The following TOX3 variants were observed in gnomAD, a reference collection of about 807,000 sequenced individuals.
TOX3 encodes CAG trinucleotide repeat-containing gene F9 protein.
TOX3 carries 22 observed loss-of-function variants against 64.3 expected under a neutral mutation model. The ratio of observed to expected loss-of-function variants is 0.34; its 90% CI spans 0.24 to 0.49. The LOEUF (loss-of-function observed/expected upper bound fraction) is 0.49. TOX3 is among the 20% of genes least tolerant of loss of function. The pLI is 0.99. For synonymous variants in TOX3, 291 were observed against 273.6 expected (o/e 1.06, Z -0.63); for missense variants, 661 against 714.4 (o/e 0.93, Z 0.85).
At chr16:52,513,818 T>C (rs1416991385) in intron 1 of TOX3, among the ~76,000 whole-genome samples, 4 of 152,222 alleles carry the variant, frequency 2.6e-5, no homozygotes, top group African/African-American at 7.2e-5. Context: ...TGTAGACTTA[T>C]GATTTGTGCA....
chr16:52,440,648 A>C (rs966615891), intron 6 of TOX3, among the ~76,000 whole-genome samples: 23 of 152,066 alleles, frequency 1.5e-4, no homozygotes, highest in African/African-American at 4.6e-4. Flanking sequence ...GTTCAAATGC[A>C]GTTCTCTGAC....
intron 1 of TOX3, among the ~76,000 whole-genome samples, chr16:52,500,736 C>T (rs1242701267): frequency 6.6e-6 from 1 of 152,194 alleles, no homozygotes; most frequent in African/African-American, 2.4e-5. Context: ...TCCTCACAAC[C>T]TTAGAAAGTA....
At chr16:52,526,157 T>A (rs562070361) in intron 1 of TOX3, among the ~76,000 whole-genome samples, 2 of 152,336 alleles carry the variant, frequency 1.3e-5, no homozygotes, top group Admixed American at 1.3e-4. Context: ...AAGAGGATGG[T>A]ATTTTTTTCC....
chr16:52,510,384 C>T (rs554959949), intron 1 of TOX3, among the ~76,000 whole-genome samples: 1 of 152,248 alleles, frequency 6.6e-6, no homozygotes, highest in South Asian at 2.1e-4. Context: ...TAAAAATTTA[C>T]ATTAGAACAA....
intron 1 of TOX3, among the ~76,000 whole-genome samples, chr16:52,502,350 G>T (rs992761226): frequency 6.6e-6 from 1 of 152,120 alleles, no homozygotes; most frequent in Non-Finnish European, 1.5e-5. Flanking sequence ...TAGCCAGAAA[G>T]CCAGTTTCCA....
intron 3 of TOX3, among the ~76,000 whole-genome samples, chr16:52,454,590 G>C (rs1960459324): frequency 6.6e-6 from 1 of 152,124 alleles, no homozygotes; most frequent in African/African-American, 2.4e-5. Context: ...CAACTGCCTT[G>C]GGGAACTTGA....
At position 52,537,911 on chromosome 16, in the gene TOX3, GA is replaced by G. The variant is rs553524759; in HGVS notation, c.87+8725del. The stretch of plus-strand genomic sequence containing the variant: ...AAAAAAAAAAAAAAAGAAAGAAAAA[GA>G]AAAAAACAGATGAAAGCAGAGCTAA... On this transcript the variant is annotated intron_variant, in intron 1 of 6. Transcript: ENST00000219746. Among the ~76,000 whole-genome samples the G allele has an allele frequency of 5.2e-3, 705 of 136,074 alleles. 7 individuals are homozygous for G. Among genetic ancestry groups the G allele is most frequent in the African/African-American group, 0.018 (667 of 37,608 alleles). The allele number at this position is 136,074 out of a possible 152,430, so 89.3% of individuals were successfully genotyped here.
intron 6 of TOX3, among the ~76,000 whole-genome samples, chr16:52,443,066 A>C (rs1256075959): frequency 1.3e-5 from 2 of 152,204 alleles, no homozygotes; most frequent in East Asian, 3.8e-4. Context: ...TAATGCACAA[A>C]ATCACCTATA....
chr16:52,457,481 C>A (rs1960554974), intron 3 of TOX3, among the ~76,000 whole-genome samples: 1 of 152,106 alleles, frequency 6.6e-6, no homozygotes, highest in South Asian at 2.1e-4. Flanking sequence ...AAGCAACTAA[C>A]CCAAATATAT....
Position 52,538,521 on chromosome 16 carries a change from C to A in TOX3, c.87+8116G>T, listed in dbSNP as rs112752709. Among the ~76,000 whole-genome samples, 100 of 152,240 alleles carry A rather than the reference C, an allele frequency of 6.6e-4. 4 individuals are homozygous for A. The highest frequency in any genetic ancestry group is 2.4e-3 in the African/African-American group (98 of 41,542). Reference sequence around the variant, plus strand: ...CACCATCTTTGACATAATTCTTCTGCATAAACAATTTAGTCAATGTAGATA... The same window carrying A: ...CACCATCTTTGACATAATTCTTCTGAATAAACAATTTAGTCAATGTAGATA... On this transcript the variant is annotated intron_variant, in intron 1 of 6. Coordinates refer to ENST00000219746, the MANE Select transcript of TOX3 (RefSeq NM_001080430.4).
rs772419698 is a variant in TOX3, at chr16:52,546,693, C to T, written c.31G>A (p.Gly11Arg). The T allele has an allele frequency of 2.6e-6, 4 of 1,540,674 alleles. No homozygotes were observed. The highest frequency in any genetic ancestry group is 1.9e-5 in the Admixed American group (1 of 51,448). Residue 11 changes from glycine to arginine, a missense_variant, in exon 1 of 7, where the codon GGG becomes AGG. By Grantham distance (125) the Gly-to-Arg change is moderately radical. This residue lies in a region of TOX3 where 259 missense variants were observed against 261.2 expected (regional missense o/e 0.99). Transcript: ENST00000219746. Reference protein sequence around the residue: MDVRFYPAAAGDPASLDFAQC... With the variant: MDVRFYPAAARDPASLDFAQC... ...GCGAAGTCCAGGCTGGCAGGGTCCC[C>T]GGCCGCCGCGGGGTAGAACCTCACA...
chr16:52,442,564 C>G (rs1567308619), intron 6 of TOX3, among the ~76,000 whole-genome samples: 1 of 152,194 alleles, frequency 6.6e-6, no homozygotes, highest in Non-Finnish European at 1.5e-5. Context: ...ATTGTCATCT[C>G]TCTTTAAACT....
At chr16:52,544,108 T>C (rs973817388) in intron 1 of TOX3, among the ~76,000 whole-genome samples, 1 of 152,214 alleles carries the variant, frequency 6.6e-6, no homozygotes, top group African/African-American at 2.4e-5. Context: ...AGAAAGATAA[T>C]ACATGTCATC....
At chr16:52,545,957 A>G (rs1963169245) in intron 1 of TOX3, among the ~76,000 whole-genome samples, 1 of 152,142 alleles carries the variant, frequency 6.6e-6, no homozygotes, top group African/African-American at 2.4e-5. Context: ...GGAGGTCTCC[A>G]ATCCCGATCT....
chr16:52,444,272 T>C lies in TOX3; in HGVS notation c.987+4A>G. The stretch of plus-strand genomic sequence containing the variant: ...GGAGCCTGGCCGCCCCTGCCCAGGT[T>C]TACCTTAGAAACGAGGCTGGCCCTG... On this transcript the variant is annotated splice_donor_region_variant and intron_variant, in intron 6 of 6. Transcript: ENST00000219746. The C allele has an allele frequency of 6.4e-7, 1 of 1,565,556 alleles. No homozygotes were observed. Among genetic ancestry groups the C allele is most frequent in the Non-Finnish European group, 8.7e-7 (1 of 1,150,922 alleles).
At chr16:52,468,383 C>T in intron 2 of TOX3, 126 bp downstream of exon 2, 1 of 727,062 alleles carries the variant, frequency 1.4e-6, no homozygotes, top group Non-Finnish European at 2.2e-6. Flanking sequence ...CTTTTCTCCT[C>T]CAAAGTAGTT....
intron 1 of TOX3, among the ~76,000 whole-genome samples, chr16:52,507,525 C>G (rs1043377878): frequency 2.6e-5 from 4 of 152,142 alleles, no homozygotes; most frequent in Non-Finnish European, 5.9e-5. Flanking sequence ...TCTGTGATTA[C>G]GTATAGGAAG....
intron 4 of TOX3, among the ~76,000 whole-genome samples, chr16:52,449,721 A>C (rs1030051055): frequency 6.6e-6 from 1 of 152,274 alleles, no homozygotes; most frequent in African/African-American, 2.4e-5. Flanking sequence ...TCATCATTCT[A>C]AGCATTTGGA....
At chr16:52,512,978 A>G (rs1476249886) in intron 1 of TOX3, among the ~76,000 whole-genome samples, 1 of 152,226 alleles carries the variant, frequency 6.6e-6, no homozygotes, top group African/African-American at 2.4e-5. Context: ...AAAGCTGATC[A>G]GATTTCTTTT....
Sources: gnomAD v4.1 joint callset for allele counts (sites outside exome capture counted in the v4.1 genomes callset) on GRCh38, gnomAD v4.1.1 for gene constraint, gnomAD v4.1.1 regional missense constraint, MANE v1.5 for transcripts, NCBI Gene and HGNC (gene_info 2026-07-23, HGNC 2026-07-21) for gene names.